Variants in FGF13 observed in about 807,000 individuals in gnomAD.
The protein encoded by FGF13 is fibroblast growth factor 13.
A neutral mutation model predicts 19.5 loss-of-function variants in FGF13; 2 were observed. The observed-to-expected ratio is 0.10, with a 90% confidence interval of 0.04 to 0.32. FGF13 has a LOEUF of 0.32. Among genes scored for constraint, FGF13 ranks in the 10% least tolerant of loss-of-function variants. FGF13 has a pLI of 1.00. For missense variants in FGF13, 113 were observed against 192.7 expected (o/e 0.59, Z 2.45); for synonymous variants, 72 against 76.9 (o/e 0.94, Z 0.33).
At chrX:139,052,372 G>C (rs1399428391) in intron 1 of FGF13, among the ~76,000 whole-genome samples, 1 of 112,123 alleles carries the variant, frequency 8.9e-6, no homozygotes, top group East Asian at 2.8e-4. Context: ...TGAGCATCCT[G>C]GAAATTTAAC....
chrX:138,820,062 A>T (rs1394042296), intron 3 of FGF13, among the ~76,000 whole-genome samples: 1 of 111,949 alleles, frequency 8.9e-6, no homozygotes, highest in Non-Finnish European at 1.9e-5. Flanking sequence ...AAACAAGTAA[A>T]ATCAAATAGA....
In FGF13 at chrX:139,191,949, C is replaced by T. The variant is rs749942052; in HGVS notation, c.-113+11467G>A. ...AGGATTGCCATCTCTGAATGGCATG[C>T]CCGAAGCTCCCTCCCAGCCCCGCCC... On this transcript the variant is annotated intron_variant, in intron 1 of 2. Coordinates refer to the FGF13 transcript ENST00000421460. Among the ~76,000 whole-genome samples, 15 of 111,499 alleles carry T rather than the reference C, an allele frequency of 1.3e-4. No homozygotes were observed. In the South Asian group the frequency reaches 2.3e-3, roughly 17 times the overall value.
chrX:139,130,803 T>G (rs886314319), intron 1 of FGF13, among the ~76,000 whole-genome samples: 10 of 112,188 alleles, frequency 8.9e-5, no homozygotes. Flanking sequence ...AAAATCATAC[T>G]CGTTTTTGGG....
At chrX:138,644,176 G>A (rs2089281237) in intron 3 of FGF13, among the ~76,000 whole-genome samples, 1 of 112,157 alleles carries the variant, frequency 8.9e-6, no homozygotes, top group Non-Finnish European at 1.9e-5. Flanking sequence ...ACAAGACAAA[G>A]GTCCTTTCCT....
At chrX:138,820,113 A>G (rs892406084) in intron 3 of FGF13, among the ~76,000 whole-genome samples, 2 of 112,277 alleles carry the variant, frequency 1.8e-5, no homozygotes, top group African/African-American at 6.5e-5. Context: ...GTATTAAACA[A>G]AAAGAATGAA....
chrX:138,785,007 A>T (rs1454433309), intron 3 of FGF13, among the ~76,000 whole-genome samples: 2 of 112,068 alleles, frequency 1.8e-5, no homozygotes, highest in Non-Finnish European at 3.8e-5. Flanking sequence ...TGAACAGTCT[A>T]CTACACTTCC....
At chrX:139,190,430 C>T (rs1206623955) in intron 1 of FGF13, among the ~76,000 whole-genome samples, 1 of 111,747 alleles carries the variant, frequency 8.9e-6, no homozygotes, top group Admixed American at 9.5e-5. Context: ...ATCCTTGATT[C>T]TGCTATCAGT....
chrX:139,044,198 A>G (rs2092279470), intron 1 of FGF13, among the ~76,000 whole-genome samples: 1 of 112,100 alleles, frequency 8.9e-6, no homozygotes, highest in Admixed American at 9.5e-5. Context: ...AAGACTGGGT[A>G]ATTTACAAAG....
intron 1 of FGF13, among the ~76,000 whole-genome samples, chrX:139,131,384 TGTG>T (rs1569456240): frequency 0.055 from 166 of 2,998 alleles, 2 homozygotes; most frequent in African/African-American, 0.13. Flanking sequence ...TATAGAGGGG[TGTG>T]TGTGTGTGTG....
At position 138,618,431 on chromosome X, in the gene FGF13, G is replaced by A. The variant is rs1318660350; in HGVS notation, c.*14419C>T. ...ATACTGAGGGGATCATCATGTCTGA[G>A]TGACTGAGAGGCTGTGAGCAGGGAA... On this transcript the variant is annotated 3_prime_UTR_variant, in exon 5 of 5. Coordinates refer to ENST00000315930, the MANE Select transcript of FGF13 (RefSeq NM_004114.5). The A allele has an allele frequency of 9.0e-6, 1 of 111,520 alleles. No individual in the cohort carries two copies. The highest frequency in any genetic ancestry group is 1.9e-5 in the Non-Finnish European group (1 of 53,147). The allele number at this position is 111,520 out of a possible 1,213,427, so 9.2% of individuals were successfully genotyped here.
intron 1 of FGF13, among the ~76,000 whole-genome samples, chrX:138,929,235 C>CTGTGTGTGTG (rs10622697): frequency 6.1e-5 from 6 of 97,790 alleles, no homozygotes; most frequent in African/African-American, 1.5e-4. Flanking sequence ...GAGGAAAACT[C>CTGTGTGTGTG]TGTGTGTGTG....
intron 1 of FGF13, among the ~76,000 whole-genome samples, chrX:139,159,121 G>T (rs962617040): frequency 1.8e-5 from 2 of 112,348 alleles, no homozygotes; most frequent in Admixed American, 1.9e-4. Flanking sequence ...CAGGCTAACA[G>T]CAGATCTCTC....
chrX:138,819,338 A>T (rs1306706484), intron 3 of FGF13, among the ~76,000 whole-genome samples: 1 of 111,748 alleles, frequency 8.9e-6, no homozygotes, highest in Non-Finnish European at 1.9e-5. Context: ...CATTAACCTA[A>T]GAATTCTGAG....
chrX:139,152,080 G>C (rs781199122), intron 1 of FGF13, among the ~76,000 whole-genome samples: 1 of 111,445 alleles, frequency 9.0e-6, no homozygotes, highest in South Asian at 3.8e-4. Flanking sequence ...AGAGCTAACT[G>C]TAACACCATT....
At chrX:138,843,400 G>A (rs1235721580) in intron 3 of FGF13, among the ~76,000 whole-genome samples, 1 of 112,307 alleles carries the variant, frequency 8.9e-6, no homozygotes, top group East Asian at 2.8e-4. Context: ...ACAAGATCCT[G>A]TCTCAGCACA....
At chrX:139,174,462 C>T (rs766415120) in intron 1 of FGF13, among the ~76,000 whole-genome samples, 2 of 112,303 alleles carry the variant, frequency 1.8e-5, no homozygotes, top group East Asian at 5.6e-4. Flanking sequence ...GTATTTTAGT[C>T]ATGACATCTT....
rs759333582 is a variant in FGF13 at position 138,874,848 on chromosome X, TAGAC to T, written c.-112-10202_-112-10199del. On this transcript the variant is annotated intron_variant, in intron 1 of 2. Transcript: ENST00000421460. Reference sequence around the variant, plus strand: ...GAATGGAGAATGTGGCAAAGGCAAATAGACAGAGGAGGCAATAGGCATGCCTAGC... The same window carrying T: ...GAATGGAGAATGTGGCAAAGGCAAATAGAGGAGGCAATAGGCATGCCTAGC... Among the ~76,000 whole-genome samples, 6 of 111,621 alleles carry T rather than the reference TAGAC, an allele frequency of 5.4e-5. No homozygotes were observed. In the East Asian group the frequency reaches 1.7e-3, roughly 32 times the overall value.
chrX:139,159,960 G>A (rs948717240), intron 1 of FGF13, among the ~76,000 whole-genome samples: 4 of 111,205 alleles, frequency 3.6e-5, no homozygotes, highest in Non-Finnish European at 5.6e-5. Flanking sequence ...GGATATTCAC[G>A]ACTTGAACTC....
At position 139,193,218 on chromosome X, in the gene FGF13, C is replaced by T. The variant is rs772876540; in HGVS notation, c.-113+10198G>A. On this transcript the variant is annotated intron_variant, in intron 1 of 2. Transcript: ENST00000421460. ...ACTATTTCAGTAATATTATCAGTAT[C>T]ATCATTGACCAAATTCTACGTAGAT... Among the ~76,000 whole-genome samples the T allele has an allele frequency of 2.7e-5, 3 of 110,565 alleles. No individual in the cohort carries two copies. In the Admixed American group the frequency reaches 2.9e-4, roughly 11 times the overall value.
Sources: allele counts gnomAD v4.1 joint callset (sites outside exome capture counted in the v4.1 genomes callset), GRCh38; gene constraint gnomAD v4.1.1; transcripts MANE v1.5; gene names NCBI Gene and HGNC (gene_info 2026-07-23, HGNC 2026-07-21).